Variants in GFRA3 observed in about 807,000 individuals in gnomAD.
GFRA3 encodes GDNF family receptor alpha 3.
In GFRA3, 24 loss-of-function variants were observed where a neutral mutation model predicts 40.0. The observed-to-expected ratio is 0.60, with a 90% CI of 0.43 to 0.84. The LOEUF (loss-of-function observed/expected upper bound fraction) is 0.84, where lower values mean the gene tolerates loss of function less well. Among genes scored for constraint, GFRA3 ranks in the 40% least tolerant of loss-of-function variants. GFRA3 has a pLI of 0.00. For missense variants in GFRA3, 405 were observed against 530.6 expected, an observed-to-expected ratio of 0.76 and a Z score of 2.33; for synonymous variants, 203 against 213.5, an observed-to-expected ratio of 0.95 and a Z score of 0.43.
chr5:138,256,202 G>C (rs1445408253), intron 4 of GFRA3, among the ~76,000 whole-genome samples: 2 of 144,984 alleles, frequency 1.4e-5, no homozygotes, highest in Non-Finnish European at 3.0e-5. Context: ...CTGCACTCCA[G>C]CCTGGGTGAC....
At chr5:138,253,434 C>T (rs1040476732) in intron 6 of GFRA3, 59 bp from the exon 7 acceptor site, 11 of 1,122,522 alleles carry the variant, frequency 9.8e-6, no homozygotes, top group Non-Finnish European at 1.5e-5. Context: ...TTCTCAGGCT[C>T]CCAAGGAAGG....
chr5:138,254,496 T>G (rs1237286912), intron 4 of GFRA3, among the ~76,000 whole-genome samples: 1 of 152,068 alleles, frequency 6.6e-6, no homozygotes, highest in East Asian at 1.9e-4. Context: ...CAGAAAAATT[T>G]CAAGTCACTC....
intron 1 of GFRA3, among the ~76,000 whole-genome samples, chr5:138,269,899 T>TGAGTGTCTA (rs1262776783): frequency 6.6e-6 from 1 of 150,796 alleles, no homozygotes. Flanking sequence ...GTCCCACTAC[T>TGAGTGTCTA]GAGTGTCTAC....
intron 3 of GFRA3, among the ~76,000 whole-genome samples, chr5:138,258,885 T>A (rs1755672823): frequency 6.6e-6 from 1 of 152,238 alleles, no homozygotes; most frequent in Non-Finnish European, 1.5e-5. Context: ...AGCAATCAAG[T>A]AATTGCAACA....
chr5:138,260,949 A>G (rs2126614944), intron 2 of GFRA3, among the ~76,000 whole-genome samples: 1 of 152,198 alleles, frequency 6.6e-6, no homozygotes, highest in East Asian at 1.9e-4. Context: ...TGAGCCCAGG[A>G]GGTTGAGGCT....
At position 138,252,909 on chromosome 5, in the gene GFRA3, T is replaced by A. The variant is rs772840550; in HGVS notation, c.*59A>T. On this transcript the variant is annotated 3_prime_UTR_variant, in exon 8 of 8. Transcript: ENST00000274721. ...CTGCTGCTGTCCTTTCCTCACCCCT[T>A]GTGGGCTGCAAGTCCACCTGGGTGT... The A allele has an allele frequency of 1.6e-4, 141 of 908,704 alleles. No homozygotes were observed. The highest frequency in any genetic ancestry group is 2.5e-4 in the Non-Finnish European group (136 of 545,288). The allele number at this position is 908,704 out of a possible 1,614,324, so 56.3% of individuals were successfully genotyped here.
At chr5:138,264,181 G>T in intron 2 of GFRA3, 80 bp downstream of exon 2, 1 of 989,522 alleles carries the variant, frequency 1.0e-6, no homozygotes, top group Non-Finnish European at 1.5e-6. Flanking sequence ...CTACCATGTG[G>T]CCCATATCCT....
chr5:138,258,329 C>G (rs537562990), intron 3 of GFRA3, among the ~76,000 whole-genome samples: 32 of 151,658 alleles, frequency 2.1e-4, no homozygotes, highest in Non-Finnish European at 4.7e-4. Context: ...TACACGCATG[C>G]GCCACGACGC....
At position 138,274,448 on chromosome 5, in the gene GFRA3, C is replaced by G; in HGVS notation, c.-24G>C. Reference sequence around the variant, plus strand: ...ATGGCGAGCTGTAGGCGCCGGGCTCCGCGCTCCCCTCGCTCCTCCCCTGGA... The same window carrying G: ...ATGGCGAGCTGTAGGCGCCGGGCTCGGCGCTCCCCTCGCTCCTCCCCTGGA... On this transcript the variant is annotated 5_prime_UTR_variant, in exon 1 of 8. Coordinates refer to ENST00000274721, the MANE Select transcript of GFRA3 (RefSeq NM_001496.4). 2.3e-6 allele frequency: 3 copies of G among 1,287,204 alleles called. No homozygotes were observed. Among genetic ancestry groups the G allele is most frequent in the Non-Finnish European group, 3.0e-6 (3 of 1,013,572 alleles). The allele number at this position is 1,287,204 out of a possible 1,614,324, so 79.7% of individuals were successfully genotyped here.
chr5:138,271,663 G>C (rs1396706568), intron 1 of GFRA3, among the ~76,000 whole-genome samples: 2 of 134,420 alleles, frequency 1.5e-5, no homozygotes, highest in East Asian at 2.0e-4. Context: ...CTACAGTCTC[G>C]ACCTCCCAGG....
Position 138,253,806 on chromosome 5 carries a change from A to G in GFRA3, c.984T>C (p.Cys328=). 3 of 1,613,872 alleles carry G rather than the reference A, an allele frequency of 1.9e-6. No individual in the cohort carries two copies. Among genetic ancestry groups the G allele is most frequent in the Middle Eastern group, 1.7e-4 (1 of 6,060 alleles). The change falls in exon 6 of 8, where the codon TGT becomes TGC. Residue 328 remains cysteine, a synonymous_variant. Transcript: ENST00000274721. ...GGGAGAAGAACCCTTCCAGCATTTC[A>G]CACTCCTCCTGCAGGTTGCCACTGC... The part of the protein sequence containing the change: ...CRGSGNLQEE[C]EMLEGFFSHN...
At position 138,274,335 on chromosome 5, in the gene GFRA3, G is replaced by A. The variant is rs762258679; in HGVS notation, c.90C>T (p.Ala30=). 7 of 1,339,150 alleles carry A rather than the reference G, an allele frequency of 5.2e-6. No individual in the cohort carries two copies. Among genetic ancestry groups the A allele is most frequent in the East Asian group, 2.8e-5 (1 of 35,546 alleles). The allele number at this position is 1,339,150 out of a possible 1,614,324, so 83.0% of individuals were successfully genotyped here. Residue 30 remains alanine (A), a splice_region_variant and synonymous_variant, in exon 1 of 8, where the codon GCC becomes GCT. Coordinates refer to ENST00000274721, the MANE Select transcript of GFRA3 (RefSeq NM_001496.4). ...GCCGGTGCGCGCTCTGACACTCACCGGCTGCGAGAGGCAGCGGCGACGGCG... is the reference window on the plus strand; with the variant it reads ...GCCGGTGCGCGCTCTGACACTCACCAGCTGCGAGAGGCAGCGGCGACGGCG... The part of the protein sequence containing the change: ...LLPPSPLPLA[A]GDPLPTESRL...
rs1195474982 is a variant in GFRA3, at chr5:138,265,488, G to C, written c.92-940C>G. The stretch of plus-strand genomic sequence containing the variant: ...CCACCTTAGCCTCCCAAAGTGCTGG[G>C]ATTACAGGCGTGAGCCACCGCGCCT... On this transcript the variant is annotated intron_variant, in intron 1 of 7. Coordinates refer to ENST00000274721, the MANE Select transcript of GFRA3 (RefSeq NM_001496.4). Among the ~76,000 whole-genome samples, 4 of 152,088 alleles carry C rather than the reference G, an allele frequency of 2.6e-5. No homozygotes were observed. In the East Asian group the frequency reaches 7.7e-4, roughly 29 times the overall value.
intron 1 of GFRA3, among the ~76,000 whole-genome samples, chr5:138,272,774 GT>G (rs1448259765): frequency 2.6e-5 from 4 of 152,120 alleles, no homozygotes; most frequent in African/African-American, 9.7e-5. Flanking sequence ...TTTCCAGCTT[GT>G]TATAGTCCAT....
chr5:138,274,147 G>A (rs74810661), intron 1 of GFRA3, among the ~76,000 whole-genome samples, 187 bp downstream of exon 1: 3,823 of 152,274 alleles, frequency 0.025, 69 homozygotes, highest in Non-Finnish European at 0.041. Flanking sequence ...ATCTCAGTTC[G>A]TACACTGTGT....
intron 4 of GFRA3, among the ~76,000 whole-genome samples, chr5:138,254,847 T>C (rs2126610814): frequency 6.6e-6 from 1 of 151,912 alleles, no homozygotes; most frequent in South Asian, 2.1e-4. Flanking sequence ...TAATCCCAGC[T>C]ACTTGGGAGG....
Position 138,259,599 on chromosome 5 carries a change from G to A in GFRA3, c.430C>T (p.Pro144Ser). The A allele has an allele frequency of 6.4e-7, 1 of 1,573,888 alleles. No individual in the cohort carries two copies. The highest frequency in any genetic ancestry group is 8.7e-7 in the Non-Finnish European group (1 of 1,143,264). The stretch of plus-strand genomic sequence containing the variant: ...AGTTTGCTGAGATTCATTTTCCAGG[G>A]TTTGCTGGTCACTGTGTCTTCATAG... ...SPYEDTVTSK[P>S]WKMNLSKLNM... The change falls in exon 3 of 8, where the codon CCC becomes TCC. Residue 144 changes from proline to serine, a missense_variant. Coordinates refer to ENST00000274721, the MANE Select transcript of GFRA3 (RefSeq NM_001496.4).
chr5:138,264,014 C>T (rs1755746423), intron 2 of GFRA3, among the ~76,000 whole-genome samples: 1 of 152,180 alleles, frequency 6.6e-6, no homozygotes, highest in Non-Finnish European at 1.5e-5. Context: ...GCCTGGTTCA[C>T]AGCTCTGCTA....
chr5:138,266,333 T>G (rs886114799), intron 1 of GFRA3, among the ~76,000 whole-genome samples: 5 of 152,192 alleles, frequency 3.3e-5, no homozygotes, highest in Non-Finnish European at 4.4e-5. Flanking sequence ...TGCCAACTCC[T>G]GTTATTTTCC....
Sources: allele counts gnomAD v4.1 joint callset (sites outside exome capture counted in the v4.1 genomes callset), GRCh38; gene constraint gnomAD v4.1.1; transcripts MANE v1.5; gene names NCBI Gene and HGNC (gene_info 2026-07-23, HGNC 2026-07-21).